EPAS1: variants seen among roughly 807,000 people sequenced by gnomAD.
The protein encoded by EPAS1 is endothelial PAS domain-containing protein 1.
Under a neutral mutation model 87.9 loss-of-function variants are expected in EPAS1, and 23 were observed. The observed-to-expected ratio is 0.26, with a 90% CI of 0.19 to 0.37. The LOEUF is 0.37. Ranked by LOEUF, EPAS1 falls within the 10% of genes least tolerant of loss-of-function variation. The pLI is 1.00. For synonymous variants in EPAS1, 508 were observed against 444.3 expected, an observed-to-expected ratio of 1.14 and a Z score of -1.80; for missense variants, 1,138 against 1,120.7, an observed-to-expected ratio of 1.02 and a Z score of -0.22.
intron 1 of EPAS1, among the ~76,000 whole-genome samples, chr2:46,307,375 TTAAGA>T (rs1317625139): frequency 3.3e-5 from 5 of 152,182 alleles, no homozygotes; most frequent in Admixed American, 3.3e-4. Context: ...TACCCAGATA[TTAAGA>T]TAAGGAAAGT....
At chr2:46,335,166 T>C (rs1342010467) in intron 1 of EPAS1, among the ~76,000 whole-genome samples, 1 of 152,172 alleles carries the variant, frequency 6.6e-6, no homozygotes, top group East Asian at 1.9e-4. Context: ...TGAAATACTT[T>C]AAATTCCAGG....
intron 1 of EPAS1, among the ~76,000 whole-genome samples, chr2:46,327,932 T>A (rs575856060): frequency 2.0e-5 from 3 of 152,156 alleles, no homozygotes; most frequent in Non-Finnish European, 2.9e-5. Context: ...CAGCCCTCTA[T>A]CAAAGGTGAA....
In EPAS1 at chr2:46,297,601, TC is replaced by T; in HGVS notation, c.-309del. On this transcript the variant is annotated 5_prime_UTR_variant, in exon 1 of 16. The change abolishes the stop of an existing upstream ORF in the 5' untranslated region. Coordinates refer to ENST00000263734, the MANE Select transcript of EPAS1 (RefSeq NM_001430.5). ...GAAAACTCAGAAAAGTGACTCCTTT[TC>T]CAGGGAAAAAGGAACTTGGGTTCCC... The T allele has an allele frequency of 2.4e-6, 1 of 417,304 alleles. No individual in the cohort carries two copies. Among genetic ancestry groups the T allele is most frequent in the Non-Finnish European group, 4.4e-6 (1 of 227,274 alleles). 25.9% of individuals were successfully genotyped at this position (417,304 alleles called of 1,614,324 possible).
chr2:46,306,399 A>G (rs1683109397), intron 1 of EPAS1, among the ~76,000 whole-genome samples: 1 of 152,206 alleles, frequency 6.6e-6, no homozygotes, highest in Admixed American at 6.5e-5. Flanking sequence ...AGTAAAACCT[A>G]GAAGTGGACC....
chr2:46,340,575 C>A (rs1423540029), intron 1 of EPAS1, among the ~76,000 whole-genome samples: 1 of 152,212 alleles, frequency 6.6e-6, no homozygotes, highest in Non-Finnish European at 1.5e-5. Flanking sequence ...CCCAGATGGG[C>A]TGTGGTCTCT....
At chr2:46,363,208 G>C (rs1684437843) in intron 6 of EPAS1, among the ~76,000 whole-genome samples, 1 of 152,166 alleles carries the variant, frequency 6.6e-6, no homozygotes, top group African/African-American at 2.4e-5. Flanking sequence ...CATAGCCCCT[G>C]TGTCACTGGC....
chr2:46,311,709 T>C lies in EPAS1; in HGVS notation c.26+13772T>C, dbSNP rs147065840. The stretch of plus-strand genomic sequence containing the variant: ...TCTTCCTTTTTAAAGTAAAACATCC[T>C]TTTGAAAAGTTCCAACTTTGCCTTT... On this transcript the variant is annotated intron_variant, in intron 1 of 15. Coordinates refer to ENST00000263734, the MANE Select transcript of EPAS1 (RefSeq NM_001430.5). Among the ~76,000 whole-genome samples, 582 of 152,334 alleles carry C rather than the reference T, an allele frequency of 3.8e-3. 11 individuals carry two copies. In the South Asian group the frequency reaches 0.041, roughly 11 times the overall value.
intron 2 of EPAS1, among the ~76,000 whole-genome samples, chr2:46,349,136 G>T (rs1684092583): frequency 2.6e-5 from 4 of 152,164 alleles, no homozygotes. Context: ...GGGGTATGGG[G>T]TGTGGGGGAA....
rs1684823257 is a variant in EPAS1 at position 46,379,074 on chromosome 2, T to C, written c.1554+307T>C. On this transcript the variant is annotated intron_variant, in intron 11 of 15. Transcript: ENST00000263734. ...AAACAGGCCCTACATTTAACAAGCA[T>C]AGCCAGATGTATAAAACATGTATAA... is the stretch of plus-strand genomic sequence containing the variant. 2.0e-5 allele frequency among the ~76,000 whole-genome samples: 3 copies of C among 152,364 alleles called. No individual in the cohort carries two copies. In the South Asian group the frequency reaches 6.2e-4, roughly 32 times the overall value.
chr2:46,364,331 T>G (rs1380717168), intron 6 of EPAS1, among the ~76,000 whole-genome samples: 1 of 152,176 alleles, frequency 6.6e-6, no homozygotes, highest in Non-Finnish European at 1.5e-5. Context: ...AAATCAATTT[T>G]GAAGCAGTTT....
At chr2:46,352,288 A>G (rs567411040) in intron 2 of EPAS1, among the ~76,000 whole-genome samples, 1 of 152,264 alleles carries the variant, frequency 6.6e-6, no homozygotes, top group African/African-American at 2.4e-5. Context: ...ACAGCAGTTT[A>G]TCTGTCTTCC....
chr2:46,381,373 C>A lies in EPAS1; in HGVS notation c.2046-223C>A. On this transcript the variant is annotated intron_variant, in intron 12 of 15. Coordinates refer to ENST00000263734, the MANE Select transcript of EPAS1 (RefSeq NM_001430.5). Reference sequence around the variant, plus strand: ...CATTGCCCAGCCAGGCAGCCATCCCCCAGACCAGGAGGCTTGAGCCCTTCA... The same window carrying A: ...CATTGCCCAGCCAGGCAGCCATCCCACAGACCAGGAGGCTTGAGCCCTTCA... The A allele has an allele frequency of 4.6e-6, 3 of 646,890 alleles. No individual in the cohort carries two copies. The East Asian group carries it at 8.8e-5, about 19-fold the overall frequency. 40.1% of individuals were successfully genotyped at this position (646,890 alleles called of 1,614,324 possible). A position where few individuals can be genotyped will look rare whatever the true frequency, so the allele number is the denominator to read the frequency against.
At position 46,380,922 on chromosome 2, in the gene EPAS1, G is replaced by T. The variant is rs539450759; in HGVS notation, c.2045+205G>T. ...ATGGGTTTTTATCTGGGCTGCCACT[G>T]AGGGCAGGCAAAGAAGTGGCTTGTT... On this transcript the variant is annotated intron_variant, in intron 12 of 15. Transcript: ENST00000263734. The surrounding 1 kb of genome is among the most constrained non-coding windows in gnomAD (Gnocchi z 4.4). 3.3e-5 allele frequency among the ~76,000 whole-genome samples: 5 copies of T among 152,284 alleles called. No individual in the cohort carries two copies. The highest frequency in any genetic ancestry group is 1.2e-4 in the African/African-American group (5 of 41,564).
chr2:46,384,698 C>G lies in EPAS1; in HGVS notation c.*38C>G, dbSNP rs779136059. The G allele has an allele frequency of 6.2e-7, 1 of 1,608,360 alleles. No individual in the cohort carries two copies. Among genetic ancestry groups the G allele is most frequent in the Admixed American group, 1.7e-5 (1 of 59,546 alleles). Reference sequence around the variant, plus strand: ...ACCTGGGCAGCACCTCTGCCGACGCCGTCCCACCAGCTTCACTCTCTCCGT... The same window carrying G: ...ACCTGGGCAGCACCTCTGCCGACGCGGTCCCACCAGCTTCACTCTCTCCGT... On this transcript the variant is annotated 3_prime_UTR_variant, in exon 16 of 16. Transcript: ENST00000263734.
At chr2:46,381,348 C>T (rs376469473) in intron 12 of EPAS1, 14 of 572,946 alleles carry the variant, frequency 2.4e-5, no homozygotes, top group South Asian at 1.4e-4. Flanking sequence ...TAAGGACTAA[C>T]ATTGCCCAGC....
At chr2:46,305,435 C>T (rs932234355) in intron 1 of EPAS1, among the ~76,000 whole-genome samples, 1 of 152,154 alleles carries the variant, frequency 6.6e-6, no homozygotes, top group African/African-American at 2.4e-5. Flanking sequence ...CCACATGTTT[C>T]CAGGAGGCAC....
intron 1 of EPAS1, among the ~76,000 whole-genome samples, chr2:46,329,936 C>T (rs1201265099): frequency 6.6e-6 from 1 of 152,182 alleles, no homozygotes; most frequent in Non-Finnish European, 1.5e-5. Flanking sequence ...TTAAATTCCC[C>T]AACTATTGCC....
intron 1 of EPAS1, among the ~76,000 whole-genome samples, chr2:46,330,174 A>C (rs1170287945): frequency 2.6e-5 from 4 of 152,194 alleles, no homozygotes; most frequent in Non-Finnish European, 4.4e-5. Context: ...GACAGAATCA[A>C]ACAAGCTCTG....
intron 1 of EPAS1, among the ~76,000 whole-genome samples, chr2:46,326,757 G>A (rs934178841): frequency 1.3e-5 from 2 of 152,156 alleles, no homozygotes; most frequent in Admixed American, 1.3e-4. Flanking sequence ...GGCCAGGAAG[G>A]GGTAAGACGA....
Sources: gnomAD v4.1 joint callset for allele counts (sites outside exome capture counted in the v4.1 genomes callset) on GRCh38, gnomAD v4.1.1 for gene constraint, Gnocchi (gnomAD v3.1) non-coding constraint, MANE v1.5 for transcripts, NCBI Gene and HGNC (gene_info 2026-07-23, HGNC 2026-07-21) for gene names.